TTC29: variants seen among roughly 807,000 people sequenced by gnomAD.
TTC29 encodes the protein tetratricopeptide repeat protein 29.
In TTC29, 49 loss-of-function variants were observed where a neutral mutation model predicts 58.1. The ratio of observed to expected loss-of-function variants is 0.84; its 90% CI spans 0.67 to 1.07. The LOEUF is 1.07. Ranked by LOEUF, TTC29 falls within the 50% of genes least tolerant of loss-of-function variation. The pLI is 0.00. For synonymous variants in TTC29, 209 were observed against 196.8 expected (o/e 1.06, Z -0.52); for missense variants, 582 against 555.6 (o/e 1.05, Z -0.48).
At chr4:146,907,685 A>T (rs1045464522) in intron 5 of TTC29, among the ~76,000 whole-genome samples, 27 of 152,084 alleles carry the variant, frequency 1.8e-4, no homozygotes, top group Non-Finnish European at 2.9e-5. Context: ...TTTTTAGTAG[A>T]GACGGGTTTT....
rs185495166 is a variant in TTC29 at position 146,838,256 on chromosome 4, A to T, written c.886-4359T>A. Among the ~76,000 whole-genome samples the T allele has an allele frequency of 4.3e-4, 66 of 152,218 alleles. 1 individual carries two copies. The highest frequency in any genetic ancestry group is 2.4e-4 in the Non-Finnish European group (16 of 67,962). ...AGAATACTCATCAGAAAAAAATGAG[A>T]GTGTACAAAAGAACAATGCTGGGGA... On this transcript the variant is annotated intron_variant, in intron 8 of 12. Transcript: ENST00000325106.
intron 9 of TTC29, among the ~76,000 whole-genome samples, chr4:146,832,967 G>A (rs9799738): frequency 0.063 from 9,577 of 152,116 alleles, 403 homozygotes; most frequent in Admixed American, 0.13. Context: ...ACTTTTTAAT[G>A]TTTCAAATGC....
At chr4:146,869,398 T>C (rs1730785672) in intron 7 of TTC29, among the ~76,000 whole-genome samples, 2 of 152,176 alleles carry the variant, frequency 1.3e-5, no homozygotes, top group Non-Finnish European at 2.9e-5. Context: ...GAATTATACC[T>C]TCAAGATCTC....
chr4:146,905,319 A>G (rs985153605), intron 5 of TTC29, among the ~76,000 whole-genome samples: 5 of 129,148 alleles, frequency 3.9e-5, no homozygotes, highest in Non-Finnish European at 8.5e-5. Flanking sequence ...CCACTTTAAT[A>G]AAAAGTATAT....
At chr4:146,907,015 G>A (rs538562091) in intron 5 of TTC29, among the ~76,000 whole-genome samples, 31 of 152,244 alleles carry the variant, frequency 2.0e-4, no homozygotes, top group African/African-American at 4.6e-4. Context: ...CCAGCTACTC[G>A]GGAGGCTGAG....
Position 146,903,037 on chromosome 4 carries a change from T to C in TTC29, c.586+507A>G, listed in dbSNP as rs577513827. 7.2e-5 allele frequency among the ~76,000 whole-genome samples: 11 copies of C among 152,304 alleles called. No homozygotes were observed. The East Asian group carries it at 2.1e-3, about 29-fold the overall frequency. The stretch of plus-strand genomic sequence containing the variant: ...CAATCCTTGATCAGCCACTATATAT[T>C]ATCTATTTCTGACAATTTTGTTGTT... On this transcript the variant is annotated intron_variant, in intron 6 of 12. Coordinates refer to ENST00000325106, the MANE Select transcript of TTC29 (RefSeq NM_031956.4).
chr4:146,752,023 C>T (rs1274401483), intron 11 of TTC29, among the ~76,000 whole-genome samples: 1 of 152,006 alleles, frequency 6.6e-6, no homozygotes, highest in African/African-American at 2.4e-5. Flanking sequence ...GGGATGCCCT[C>T]TCTCACCACT....
chr4:146,784,017 C>T (rs1748818770), intron 11 of TTC29, among the ~76,000 whole-genome samples: 1 of 151,136 alleles, frequency 6.6e-6, no homozygotes, highest in Non-Finnish European at 1.5e-5. Context: ...TGTGAATTAA[C>T]TCAGTAGCTT....
chr4:146,917,451 A>G (rs1460227922), intron 4 of TTC29, among the ~76,000 whole-genome samples: 1 of 148,320 alleles, frequency 6.7e-6, no homozygotes, highest in East Asian at 2.0e-4. Context: ...TATAGACCAT[A>G]TTCACTTTGA....
Position 146,925,667 on chromosome 4 carries a change from A to AAGTTTC in TTC29, c.176+11926_176+11927insGAAACT, listed in dbSNP as rs1734885484. On this transcript the variant is annotated intron_variant, in intron 4 of 12. Transcript: ENST00000325106. ...AACTTTTGAGAAAACAATTCCCTTA[A>AAGTTTC]TCAGCAATGCATTTCTTTGGCTACT... Among the ~76,000 whole-genome samples, 13 of 152,250 alleles carry AAGTTTC rather than the reference A, an allele frequency of 8.5e-5. No individual in the cohort carries two copies. The South Asian group carries it at 2.7e-3, about 32-fold the overall frequency.
intron 10 of TTC29, among the ~76,000 whole-genome samples, chr4:146,805,991 C>T (rs761316223): frequency 2.6e-5 from 4 of 152,122 alleles, no homozygotes; most frequent in African/African-American, 4.8e-5. Context: ...AGAGAAAGGT[C>T]GGGTTACCCA....
chr4:146,931,329 C>T (rs1328104149), intron 4 of TTC29, among the ~76,000 whole-genome samples: 3 of 152,144 alleles, frequency 2.0e-5, no homozygotes, highest in Non-Finnish European at 2.9e-5. Context: ...AATATCACTA[C>T]ATAAATCAAC....
At chr4:146,918,028 T>A (rs1160432765) in intron 4 of TTC29, among the ~76,000 whole-genome samples, 2 of 150,752 alleles carry the variant, frequency 1.3e-5, no homozygotes, top group Non-Finnish European at 3.0e-5. Context: ...ATAAATAAAA[T>A]CTGCCCCCCA....
intron 8 of TTC29, among the ~76,000 whole-genome samples, chr4:146,865,118 A>T (rs898157658): frequency 9.2e-5 from 14 of 152,192 alleles, no homozygotes; most frequent in African/African-American, 3.4e-4. Context: ...TTCTGAAAGG[A>T]GTAACAGCTT....
At chr4:146,721,264 T>C (rs1225501240) in intron 11 of TTC29, among the ~76,000 whole-genome samples, 1 of 152,102 alleles carries the variant, frequency 6.6e-6, no homozygotes, top group Admixed American at 6.6e-5. Flanking sequence ...GTGGGTCAAA[T>C]ATGAAAAGTC....
chr4:146,772,027 G>C (rs188027360), intron 11 of TTC29, among the ~76,000 whole-genome samples: 2 of 152,058 alleles, frequency 1.3e-5, no homozygotes, highest in Non-Finnish European at 2.9e-5. Flanking sequence ...CTTCTTATAT[G>C]CTTGTTGGCT....
intron 6 of TTC29, among the ~76,000 whole-genome samples, chr4:146,881,769 G>A (rs867001381): frequency 2.6e-5 from 4 of 152,050 alleles, no homozygotes; most frequent in South Asian, 2.1e-4. Context: ...TGTCACAAGA[G>A]ATTTGTTGTG....
chr4:146,813,521 C>T (rs539402237), intron 10 of TTC29, among the ~76,000 whole-genome samples: 68 of 152,136 alleles, frequency 4.5e-4, no homozygotes, highest in South Asian at 1.7e-3. Context: ...AAGGTAACTC[C>T]AATATTTTTC....
intron 9 of TTC29, among the ~76,000 whole-genome samples, chr4:146,821,353 T>C (rs765530963): frequency 6.6e-6 from 1 of 152,220 alleles, no homozygotes; most frequent in Admixed American, 6.5e-5. Flanking sequence ...GTGAGGACTC[T>C]TTTAAATTGA....
Sources: gnomAD v4.1 joint callset for allele counts (sites outside exome capture counted in the v4.1 genomes callset) on GRCh38, gnomAD v4.1.1 for gene constraint, MANE v1.5 for transcripts, NCBI Gene and HGNC (gene_info 2026-07-23, HGNC 2026-07-21) for gene names.